Variants in LEMD3 observed in about 807,000 individuals in gnomAD.
LEMD3 encodes inner nuclear membrane protein Man1.
Under a neutral mutation model 95.2 loss-of-function variants are expected in LEMD3, and 33 were observed. That is an observed-to-expected ratio of 0.35 (90% CI 0.26 to 0.46). The LOEUF is 0.46. Ranked by LOEUF, LEMD3 falls within the 20% of genes least tolerant of loss-of-function variation. LEMD3 has a pLI of 1.00. For missense variants in LEMD3, 1,210 were observed against 1,192.8 expected (o/e 1.01, Z -0.21); for synonymous variants, 525 against 474.6 (o/e 1.11, Z -1.38).
At chr12:65,240,517 T>A in intron 8 of LEMD3, 1 of 441,938 alleles carries the variant, frequency 2.3e-6, no homozygotes. Context: ...AATTTCATCT[T>A]GATAAAGAAA....
chr12:65,212,167 C>T (rs571194473), intron 2 of LEMD3, among the ~76,000 whole-genome samples: 81 of 152,080 alleles, frequency 5.3e-4, no homozygotes, highest in African/African-American at 1.7e-3. Context: ...TCAGATCTCA[C>T]GAGACTTATT....
intron 4 of LEMD3, 61 bp downstream of exon 4, chr12:65,218,680 AC>A: frequency 1.1e-6 from 1 of 938,750 alleles, no homozygotes; most frequent in Non-Finnish European, 1.7e-6. Context: ...AATCATTGCT[AC>A]TTGTAAGAAT....
chr12:65,220,280 A>G (rs746666890), intron 4 of LEMD3, among the ~76,000 whole-genome samples: 7 of 152,166 alleles, frequency 4.6e-5, no homozygotes, highest in Non-Finnish European at 8.8e-5. Flanking sequence ...CTTTTCATAT[A>G]CCATTTATAT....
chr12:65,196,188 A>T lies in LEMD3; in HGVS notation c.1523-14738A>T, dbSNP rs192724814. ...TTAGTAGATAAAGAATAGGCAGAGG[A>T]TGGGGTGGGGTGGTGGGGTCAGAGT... On this transcript the variant is annotated intron_variant, in intron 1 of 12. Transcript: ENST00000308330. 8.3e-3 allele frequency among the ~76,000 whole-genome samples: 1,199 copies of T among 144,132 alleles called. 4 individuals are homozygous for T. The highest frequency in any genetic ancestry group is 0.011 in the Non-Finnish European group (712 of 65,728). The allele number at this position is 144,132 out of a possible 152,430, so 94.6% of individuals were successfully genotyped here.
At chr12:65,207,099 T>C (rs529946508) in intron 1 of LEMD3, among the ~76,000 whole-genome samples, 136 of 152,280 alleles carry the variant, frequency 8.9e-4, no homozygotes, top group African/African-American at 3.1e-3. Context: ...GGTAGTGTTA[T>C]GAGGATGAAA....
At chr12:65,174,628 T>C (rs1868657884) in intron 1 of LEMD3, among the ~76,000 whole-genome samples, 1 of 152,160 alleles carries the variant, frequency 6.6e-6, no homozygotes, top group Admixed American at 6.5e-5. Context: ...TTAGTATTTT[T>C]CATGTAAATA....
At chr12:65,245,575 C>G (rs1871081023) in intron 10 of LEMD3, 94 bp from the exon 11 acceptor site, 1 of 857,438 alleles carries the variant, frequency 1.2e-6, no homozygotes, top group African/African-American at 1.7e-5. Context: ...AAAACTATAC[C>G]AATTCTAGTA....
intron 4 of LEMD3, among the ~76,000 whole-genome samples, chr12:65,237,937 T>A (rs563208393): frequency 6.6e-6 from 1 of 152,154 alleles, no homozygotes; most frequent in South Asian, 2.1e-4. Flanking sequence ...AAGTGGTAAA[T>A]TCACTCTTAT....
At chr12:65,235,085 G>A (rs1240417617) in intron 4 of LEMD3, among the ~76,000 whole-genome samples, 1 of 152,074 alleles carries the variant, frequency 6.6e-6, no homozygotes, top group Non-Finnish European at 1.5e-5. Context: ...TTATTTCATT[G>A]ATTTTTAATA....
In LEMD3 at chr12:65,218,596, C is replaced by A. The variant is rs2136340853; in HGVS notation, c.1672C>A (p.Gln558Lys). 4 of 1,604,324 alleles carry A rather than the reference C, an allele frequency of 2.5e-6. No individual in the cohort carries two copies. Among genetic ancestry groups the A allele is most frequent in the South Asian group, 1.1e-5 (1 of 90,072 alleles). Residue 558 changes from glutamine (Q) to lysine (K), a missense_variant, in exon 4 of 13, where the codon CAA becomes AAA. Physicochemically the swap from Gln to Lys is moderately conservative, Grantham distance 53. Around this residue, in one of 2 missense-constraint regions of LEMD3, gnomAD observed 461 missense variants for 569.8 expected, o/e 0.81. Coordinates refer to ENST00000308330, the MANE Select transcript of LEMD3 (RefSeq NM_014319.5). ...TTCTAGTCAAAGAACGCTTTCTGTT[C>A]AAGAGGCAGCTGCGTATTTAAAAGT... ...GSSSQRTLSV[Q>K]EAAAYLKDLG...
chr12:65,171,326 G>C, intron 1 of LEMD3: 1 of 763,902 alleles, frequency 1.3e-6, no homozygotes, highest in Non-Finnish European at 2.0e-6. Context: ...TTTTCTGCAT[G>C]ATGTATTGTG....
chr12:65,179,231 G>A (rs1044702354), intron 1 of LEMD3, among the ~76,000 whole-genome samples: 28 of 151,050 alleles, frequency 1.9e-4, no homozygotes, highest in African/African-American at 6.3e-4. Context: ...TCCCTTTTTT[G>A]CTCCTTTTGA....
intron 1 of LEMD3, chr12:65,171,895 A>G (rs1868561552): frequency 6.6e-6 from 1 of 152,298 alleles, no homozygotes; most frequent in Non-Finnish European, 1.5e-5. Context: ...AAGGAAATAA[A>G]GATGAGTAAT....
chr12:65,178,198 G>A (rs188264726), intron 1 of LEMD3, among the ~76,000 whole-genome samples: 4 of 150,312 alleles, frequency 2.7e-5, no homozygotes, highest in Admixed American at 2.0e-4. Context: ...GAAGTTTTAC[G>A]AGTTGACTGC....
chr12:65,170,720 T>G lies in LEMD3; in HGVS notation c.1124T>G (p.Met375Arg). The G allele has an allele frequency of 1.9e-6, 3 of 1,614,220 alleles. No homozygotes were observed. The highest frequency in any genetic ancestry group is 2.5e-6 in the Non-Finnish European group (3 of 1,180,030). Residue 375 changes from methionine to arginine, a missense_variant, in exon 1 of 13, where the codon ATG becomes AGG. Met to Arg is a moderately conservative substitution (Grantham distance 91, BLOSUM62 -1). Transcript: ENST00000308330. Reference protein sequence around the residue: ...TPLLPPPLTDMDSTLDSSTGS... With the variant: ...TPLLPPPLTDRDSTLDSSTGS... Reference sequence around the variant, plus strand: ...CTCCTGCCCCCGCCACTTACTGACATGGACTCAACCTTGGATTCGTCAACA... The same window carrying G: ...CTCCTGCCCCCGCCACTTACTGACAGGGACTCAACCTTGGATTCGTCAACA...
intron 1 of LEMD3, among the ~76,000 whole-genome samples, chr12:65,187,650 G>A (rs1367441747): frequency 6.6e-6 from 1 of 151,850 alleles, no homozygotes; most frequent in Non-Finnish European, 1.5e-5. Flanking sequence ...CTTAAACAGT[G>A]GTCCATCAAT....
intron 1 of LEMD3, among the ~76,000 whole-genome samples, chr12:65,188,084 T>C (rs1294373516): frequency 2.6e-5 from 4 of 152,150 alleles, no homozygotes; most frequent in Non-Finnish European, 4.4e-5. Context: ...TTTTTGAAGT[T>C]AGGTTTTTGA....
At position 65,238,539 on chromosome 12, in the gene LEMD3, C is replaced by A; in HGVS notation, c.1733C>A (p.Ser578Ter). The A allele has an allele frequency of 6.2e-7, 1 of 1,610,362 alleles. No homozygotes were observed. The change falls in exon 5 of 13, where the codon TCA (serine) becomes TAA (stop). Residue 578 changes from serine (S) to a stop codon, truncating the protein, a stop_gained. Transcript: ENST00000308330. LOFTEE classifies it high-confidence loss of function. The part of the protein sequence containing the change: ...GPEYEGIFNT[S>*]LQWILENGKD... ...GAATATGAAGGTATATTTAACACTT[C>A]ATTGCAGTGGATCTTAGAAAATGGA...
At chr12:65,210,905 C>G in intron 1 of LEMD3, 21 bp from the exon 2 acceptor site, 1 of 1,569,042 alleles carries the variant, frequency 6.4e-7, no homozygotes. Flanking sequence ...TAATACTTGT[C>G]TTTTTTTCCT....
Sources: allele counts gnomAD v4.1 joint callset (sites outside exome capture counted in the v4.1 genomes callset), GRCh38; gene constraint gnomAD v4.1.1; regional missense constraint gnomAD v4.1.1; transcripts MANE v1.5; gene names NCBI Gene and HGNC (gene_info 2026-07-23, HGNC 2026-07-21).